Variants in SNX9 observed in about 807,000 individuals in gnomAD.
SNX9 encodes the protein sorting nexin 9, also known as sorting nexin-9.
Under a neutral mutation model 89.4 loss-of-function variants are expected in SNX9, and 44 were observed. That is an observed-to-expected ratio of 0.49 (90% CI 0.39 to 0.63). SNX9 has a LOEUF of 0.63. SNX9 is among the 30% of genes least tolerant of loss of function. The probability of loss-of-function intolerance (pLI) is 0.00; values close to 1 mark genes in which losing one functional copy is unlikely to be tolerated. For missense variants in SNX9, 578 were observed against 736.1 expected (o/e 0.79, Z 2.49); for synonymous variants, 236 against 247.8 (o/e 0.95, Z 0.45).
chr6:157,872,270 T>G (rs538574572), intron 2 of SNX9, among the ~76,000 whole-genome samples: 1 of 152,326 alleles, frequency 6.6e-6, no homozygotes, highest in Non-Finnish European at 1.5e-5. Context: ...AATTTTTCCT[T>G]TGATCATAGA....
chr6:157,899,511 G>A (rs555391564), intron 5 of SNX9, among the ~76,000 whole-genome samples: 1 of 152,168 alleles, frequency 6.6e-6, no homozygotes, highest in Admixed American at 6.5e-5. Flanking sequence ...ATATTTTCAC[G>A]CCTGTAATCC....
intron 9 of SNX9, among the ~76,000 whole-genome samples, chr6:157,911,843 G>A (rs545931553): frequency 6.6e-6 from 1 of 152,296 alleles, no homozygotes; most frequent in East Asian, 1.9e-4. Flanking sequence ...TTTTGATTTT[G>A]ATTTTTTTGG....
At chr6:157,873,072 C>CTTTTT in intron 2 of SNX9, 30 bp from the exon 3 acceptor site, 11 of 1,323,872 alleles carry the variant, frequency 8.3e-6, no homozygotes, top group South Asian at 3.1e-5. Context: ...TAATCTTTTT[C>CTTTTT]TTTTTTTTTT....
chr6:157,917,024 T>C (rs536493304), intron 9 of SNX9, among the ~76,000 whole-genome samples: 1 of 152,350 alleles, frequency 6.6e-6, no homozygotes, highest in Non-Finnish European at 1.5e-5. Context: ...ACTGAAATCA[T>C]CTGGACCTGG....
At chr6:157,849,954 G>A (rs971269345) in intron 1 of SNX9, among the ~76,000 whole-genome samples, 1 of 152,200 alleles carries the variant, frequency 6.6e-6, no homozygotes, top group Non-Finnish European at 1.5e-5. Context: ...AGGTGACGTT[G>A]TCAGAGTGGA....
At chr6:157,931,051 T>C (rs1179757475) in intron 12 of SNX9, among the ~76,000 whole-genome samples, 1 of 152,240 alleles carries the variant, frequency 6.6e-6, no homozygotes, top group East Asian at 1.9e-4. Flanking sequence ...AGGCTAAATG[T>C]AGAAAGTAGG....
At chr6:157,921,764 C>T in intron 10 of SNX9, 103 bp downstream of exon 10, 1 of 1,301,428 alleles carries the variant, frequency 7.7e-7, no homozygotes. Context: ...TTAGTTATTT[C>T]TCACTTCCTC....
In SNX9 at chr6:157,851,288, T is replaced by C. The variant is rs556722971; in HGVS notation, c.13-16259T>C. Among the ~76,000 whole-genome samples, 205 of 150,070 alleles carry C rather than the reference T, an allele frequency of 1.4e-3. 1 individual carries two copies. Among genetic ancestry groups the C allele is most frequent in the South Asian group, 2.3e-3 (11 of 4,744 alleles). On this transcript the variant is annotated intron_variant, in intron 1 of 17. Transcript: ENST00000392185. ...AAAAAAACCCTAAAATAAATAAATA[T>C]AAATAAACCTCTACAAAGTATACAA...
intron 2 of SNX9, among the ~76,000 whole-genome samples, chr6:157,870,730 C>T (rs1782387434): frequency 6.7e-6 from 1 of 149,818 alleles, no homozygotes; most frequent in Non-Finnish European, 1.5e-5. Flanking sequence ...ATGCACTCAC[C>T]TGTGCAAGCA....
chr6:157,867,378 C>T (rs1028789434), intron 1 of SNX9, among the ~76,000 whole-genome samples, 169 bp from the exon 2 acceptor site: 6 of 152,214 alleles, frequency 3.9e-5, no homozygotes, highest in Admixed American at 6.5e-5. Context: ...TATTCTTCCT[C>T]AGAGTAGAGC....
At chr6:157,826,364 G>C (rs1353325393) in intron 1 of SNX9, among the ~76,000 whole-genome samples, 7 of 151,892 alleles carry the variant, frequency 4.6e-5, no homozygotes, top group Non-Finnish European at 1.0e-4. Flanking sequence ...GCTGGGCGTG[G>C]TGGCGGGCGC....
At chr6:157,869,648 G>A (rs3792933) in intron 2 of SNX9, among the ~76,000 whole-genome samples, 19,142 of 152,124 alleles carry the variant, frequency 0.13, 1,961 homozygotes, top group African/African-American at 0.28. Context: ...CACTGGCCTT[G>A]CCTCAAGCCC....
At chr6:157,912,420 TA>T (rs3840368) in intron 9 of SNX9, among the ~76,000 whole-genome samples, 2 of 151,528 alleles carry the variant, frequency 1.3e-5, no homozygotes, top group African/African-American at 2.4e-5. Context: ...AAGATTTGTT[TA>T]AAAAAAAATA....
intron 10 of SNX9, 127 bp from the exon 11 acceptor site, chr6:157,926,984 T>C (rs1364547143): frequency 3.0e-6 from 2 of 662,952 alleles, no homozygotes; most frequent in Non-Finnish European, 5.4e-6. Flanking sequence ...CAGAGGGAGA[T>C]AGAGTGGGAG....
At chr6:157,934,261 G>A (rs1027248717) in intron 13 of SNX9, 1 of 152,152 alleles carries the variant, frequency 6.6e-6, no homozygotes, top group African/African-American at 2.4e-5. Context: ...TATTCTTATG[G>A]ATGAGCATAT....
chr6:157,827,552 T>G, intron 1 of SNX9, among the ~76,000 whole-genome samples: 1 of 47,210 alleles, frequency 2.1e-5, no homozygotes, highest in Non-Finnish European at 3.3e-5. Context: ...TATTATATTA[T>G]AGTTTATATA....
At chr6:157,904,520 A>C (rs934849064) in intron 6 of SNX9, among the ~76,000 whole-genome samples, 1 of 152,108 alleles carries the variant, frequency 6.6e-6, no homozygotes, top group African/African-American at 2.4e-5. Flanking sequence ...AACAGTGCCC[A>C]AAAATTGAAA....
chr6:157,911,112 C>CAAAG (rs368030279), intron 9 of SNX9, among the ~76,000 whole-genome samples: 8 of 150,502 alleles, frequency 5.3e-5, no homozygotes, highest in Non-Finnish European at 1.2e-4. Context: ...GACTCTGTCT[C>CAAAG]AAATAAATAA....
At chr6:157,890,590 A>G (rs929003096) in intron 4 of SNX9, among the ~76,000 whole-genome samples, 20 of 152,156 alleles carry the variant, frequency 1.3e-4, no homozygotes, top group African/African-American at 4.6e-4. Flanking sequence ...CATAGATTTA[A>G]GCGTGTCCCA....
Sources: gnomAD v4.1 joint callset for allele counts (sites outside exome capture counted in the v4.1 genomes callset) on GRCh38, gnomAD v4.1.1 for gene constraint, MANE v1.5 for transcripts, NCBI Gene and HGNC (gene_info 2026-07-23, HGNC 2026-07-21) for gene names.